The following CMSS1 variants were observed in gnomAD, a reference collection of about 807,000 sequenced individuals.
CMSS1 encodes cms1 ribosomal small subunit homolog.
A neutral mutation model predicts 43.5 loss-of-function variants in CMSS1; 33 were observed. The observed-to-expected ratio is 0.76, with a 90% confidence interval of 0.57 to 1.01. CMSS1 has a LOEUF of 1.01. Ranked by LOEUF, CMSS1 falls within the 50% of genes least tolerant of loss-of-function variation. CMSS1 has a pLI of 0.00. For missense variants in CMSS1, 313 were observed against 326.4 expected, an observed-to-expected ratio of 0.96 and a Z score of 0.32; for synonymous variants, 115 against 117.2, an observed-to-expected ratio of 0.98 and a Z score of 0.12.
intron 1 of CMSS1, among the ~76,000 whole-genome samples, chr3:99,995,615 G>A (rs565120791): frequency 4.1e-4 from 63 of 152,282 alleles, no homozygotes; most frequent in African/African-American, 1.2e-3. Flanking sequence ...CTCTATGAGC[G>A]CCCTTCCCCT....
intron 1 of CMSS1, among the ~76,000 whole-genome samples, chr3:99,892,927 T>C (rs1706131195): frequency 6.6e-6 from 1 of 152,208 alleles, no homozygotes; most frequent in Admixed American, 6.5e-5. Context: ...GGCCTGTATT[T>C]TTCTTCACAA....
intron 9 of CMSS1, among the ~76,000 whole-genome samples, chr3:100,177,245 G>A (rs1258172470): frequency 6.6e-6 from 1 of 152,136 alleles, no homozygotes; most frequent in South Asian, 2.1e-4. Context: ...TCAGACATCA[G>A]TTCAGGTTAA....
At chr3:100,056,715 T>C (rs532819026) in intron 1 of CMSS1, among the ~76,000 whole-genome samples, 4 of 135,436 alleles carry the variant, frequency 3.0e-5, no homozygotes, top group Non-Finnish European at 4.9e-5. Flanking sequence ...AAAAAAAAAA[T>C]GGGGCCGGGC....
chr3:100,089,763 G>A (rs763051261), intron 1 of CMSS1, among the ~76,000 whole-genome samples: 14 of 152,202 alleles, frequency 9.2e-5, no homozygotes, highest in Non-Finnish European at 1.6e-4. Flanking sequence ...GAAGACACCC[G>A]TGGCTAATTG....
At chr3:100,109,340 C>T (rs2066448981) in intron 1 of CMSS1, among the ~76,000 whole-genome samples, 1 of 152,128 alleles carries the variant, frequency 6.6e-6, no homozygotes, top group South Asian at 2.1e-4. Context: ...GTATGCTTTA[C>T]ATATAGTAAA....
chr3:99,820,785 A>T (rs1028667718), intron 1 of CMSS1, among the ~76,000 whole-genome samples: 1 of 152,180 alleles, frequency 6.6e-6, no homozygotes, highest in Admixed American at 6.5e-5. Context: ...TTTGATAGGG[A>T]TGTCAAATGT....
intron 1 of CMSS1, among the ~76,000 whole-genome samples, chr3:100,018,944 G>A (rs1010604089): frequency 3.9e-5 from 6 of 152,100 alleles, no homozygotes; most frequent in African/African-American, 1.2e-4. Context: ...ATATAAAAAG[G>A]TGTTGAACTT....
intron 1 of CMSS1, among the ~76,000 whole-genome samples, chr3:100,021,484 A>T (rs1236590207): frequency 1.3e-5 from 2 of 152,138 alleles, no homozygotes; most frequent in African/African-American, 4.8e-5. Context: ...TTGTAGAGAA[A>T]ATTCCTGTAA....
intron 1 of CMSS1, among the ~76,000 whole-genome samples, chr3:99,919,080 AT>A (rs1707044531): frequency 6.6e-6 from 1 of 152,178 alleles, no homozygotes; most frequent in Admixed American, 6.5e-5. Flanking sequence ...TTAAAGCTTT[AT>A]ACCCACTGTG....
intron 1 of CMSS1, among the ~76,000 whole-genome samples, chr3:100,115,617 C>CTCTCTCTCTCTG (rs2066558466): frequency 1.8e-4 from 25 of 140,510 alleles, no homozygotes; most frequent in African/African-American, 6.0e-4. Context: ...CTCTCTCTCT[C>CTCTCTCTCTCTG]TCTCTCTCTC....
At chr3:99,861,298 C>G (rs113385501) in intron 1 of CMSS1, among the ~76,000 whole-genome samples, 1 of 152,214 alleles carries the variant, frequency 6.6e-6, no homozygotes, top group African/African-American at 2.4e-5. Flanking sequence ...CCTACCTGGG[C>G]CTTCCACAGC....
chr3:99,848,172 A>C, intron 1 of CMSS1: 1 of 1,534,328 alleles, frequency 6.5e-7, no homozygotes, highest in Middle Eastern at 1.8e-4. Context: ...AACCTTCCCA[A>C]AGTACGAGTT....
chr3:99,918,139 G>A (rs981495556), intron 1 of CMSS1, among the ~76,000 whole-genome samples: 8 of 151,834 alleles, frequency 5.3e-5, no homozygotes, highest in African/African-American at 1.2e-4. Flanking sequence ...CACCACGCCC[G>A]GCTAATTTTT....
chr3:100,062,048 A>G (rs971271507), intron 1 of CMSS1, among the ~76,000 whole-genome samples: 1 of 147,022 alleles, frequency 6.8e-6, no homozygotes, highest in African/African-American at 2.5e-5. Context: ...CCCTAGTAAT[A>G]CTTAGAGATC....
chr3:100,159,860 A>T, intron 2 of CMSS1: 1 of 456,574 alleles, frequency 2.2e-6, no homozygotes, highest in South Asian at 1.5e-5. Context: ...AGTAGCAAAG[A>T]CATTCATTTT....
chr3:100,056,035 AG>A (rs1396872213), intron 1 of CMSS1, among the ~76,000 whole-genome samples: 6 of 152,204 alleles, frequency 3.9e-5, no homozygotes, highest in Non-Finnish European at 8.8e-5. Context: ...AATAAGACAC[AG>A]GTAAAAGAAG....
intron 1 of CMSS1, among the ~76,000 whole-genome samples, chr3:99,916,806 G>C (rs1001992890): frequency 6.6e-6 from 1 of 152,114 alleles, no homozygotes. Flanking sequence ...AGGCCTTTCT[G>C]TGCAGTGATA....
intron 1 of CMSS1, among the ~76,000 whole-genome samples, chr3:99,863,427 TG>T (rs1042189389): frequency 6.6e-6 from 1 of 152,172 alleles, no homozygotes; most frequent in Non-Finnish European, 1.5e-5. Context: ...GTGGGTTGAC[TG>T]GGTTAGTACA....
chr3:100,139,712 G>T (rs535345735), intron 1 of CMSS1, among the ~76,000 whole-genome samples: 9 of 149,608 alleles, frequency 6.0e-5, no homozygotes, highest in Non-Finnish European at 8.9e-5. Context: ...CAGGAGAATC[G>T]CTTGAACCCA....
Sources: gnomAD v4.1 joint callset for allele counts (sites outside exome capture counted in the v4.1 genomes callset) on GRCh38, gnomAD v4.1.1 for gene constraint, MANE v1.5 for transcripts, NCBI Gene and HGNC (gene_info 2026-07-23, HGNC 2026-07-21) for gene names.